The following UBE2K variants were observed in gnomAD, a reference collection of about 807,000 sequenced individuals.
UBE2K encodes the protein ubiquitin-conjugating enzyme E2 K.
UBE2K carries 6 observed loss-of-function variants against 30.0 expected under a neutral mutation model. That is an observed-to-expected ratio of 0.20 (90% CI 0.11 to 0.39). The LOEUF is 0.39. Among genes scored for constraint, UBE2K ranks in the 10% least tolerant of loss-of-function variants. The pLI is 1.00. For synonymous variants in UBE2K, 86 were observed against 83.7 expected, an observed-to-expected ratio of 1.03 and a Z score of -0.15; for missense variants, 61 against 241.6, an observed-to-expected ratio of 0.25 and a Z score of 4.96.
At chr4:39,773,777 C>T (rs1401310448) in intron 4 of UBE2K, among the ~76,000 whole-genome samples, 2 of 151,746 alleles carry the variant, frequency 1.3e-5, no homozygotes, top group Admixed American at 6.6e-5. Flanking sequence ...AAAAATTAGC[C>T]GGGCGTGGTG....
At chr4:39,766,847 G>T (rs984191868) in intron 4 of UBE2K, among the ~76,000 whole-genome samples, 12 of 152,070 alleles carry the variant, frequency 7.9e-5, no homozygotes, top group African/African-American at 2.7e-4. Context: ...CCTCCTGGGT[G>T]TTCAAGCAGT....
intron 4 of UBE2K, among the ~76,000 whole-genome samples, chr4:39,766,433 T>C (rs887323600): frequency 1.3e-5 from 2 of 152,130 alleles, no homozygotes; most frequent in Non-Finnish European, 1.5e-5. Context: ...ATATCTTCTT[T>C]GGAGAAACGT....
intron 3 of UBE2K, among the ~76,000 whole-genome samples, chr4:39,752,757 A>AT (rs1721336312): frequency 6.6e-6 from 1 of 152,204 alleles, no homozygotes; most frequent in South Asian, 2.1e-4. Context: ...AAAATCCGAG[A>AT]TTTGAAATGC....
intron 4 of UBE2K, among the ~76,000 whole-genome samples, chr4:39,764,421 CTTT>C (rs1230143832): frequency 7.1e-6 from 1 of 140,446 alleles, no homozygotes; most frequent in African/African-American, 2.6e-5. Context: ...AGCAAACTGC[CTTT>C]TTTTTTTTTT....
chr4:39,724,661 T>TG lies in UBE2K; in HGVS notation c.64-12752dup, dbSNP rs545398362. On this transcript the variant is annotated intron_variant, in intron 1 of 6. Coordinates refer to ENST00000261427, the MANE Select transcript of UBE2K (RefSeq NM_005339.5). The stretch of plus-strand genomic sequence containing the variant: ...GTGCATGCCTGTAGGCCCAGCTACT[T>TG]GGGGGGGCTGAGGCAGGAGGATCAC... Among the ~76,000 whole-genome samples, 51 of 146,940 alleles carry TG rather than the reference T, an allele frequency of 3.5e-4. 2 individuals carry two copies. In the South Asian group the frequency reaches 8.7e-3, roughly 25 times the overall value.
At chr4:39,771,471 C>A in intron 4 of UBE2K, 2 of 1,526,850 alleles carry the variant, frequency 1.3e-6, no homozygotes, top group South Asian at 1.3e-5. Flanking sequence ...CCCGGTTCCG[C>A]GCGCTGTTTT....
At chr4:39,737,334 A>AG (rs1720434242) in intron 1 of UBE2K, 86 bp from the exon 2 acceptor site, 1 of 653,710 alleles carries the variant, frequency 1.5e-6, no homozygotes, top group Non-Finnish European at 2.5e-6. Flanking sequence ...CTTATGAAAG[A>AG]GGGGGTTTCA....
intron 4 of UBE2K, among the ~76,000 whole-genome samples, chr4:39,759,162 T>C (rs1300723167): frequency 6.6e-6 from 1 of 152,216 alleles, no homozygotes; most frequent in Non-Finnish European, 1.5e-5. Flanking sequence ...ATTACATAAA[T>C]AATTTTCAGC....
chr4:39,698,497 C>A, intron 1 of UBE2K, 107 bp downstream of exon 1: 1 of 1,030,462 alleles, frequency 9.7e-7, no homozygotes, highest in South Asian at 1.4e-5. Context: ...CTCCTTGCGG[C>A]CGCCCTTCTG....
At chr4:39,721,767 A>G (rs753805170) in intron 1 of UBE2K, among the ~76,000 whole-genome samples, 5 of 152,210 alleles carry the variant, frequency 3.3e-5, no homozygotes, top group African/African-American at 7.2e-5. Flanking sequence ...ATTCACTACC[A>G]AAAACTTGAG....
intron 4 of UBE2K, among the ~76,000 whole-genome samples, chr4:39,763,933 C>T (rs2109391408): frequency 6.6e-6 from 1 of 151,992 alleles, no homozygotes; most frequent in African/African-American, 2.4e-5. Context: ...AGTTTCACCT[C>T]ATTGCCCAGG....
chr4:39,723,382 T>C (rs979413332), intron 1 of UBE2K, among the ~76,000 whole-genome samples: 1 of 147,248 alleles, frequency 6.8e-6, no homozygotes, highest in Non-Finnish European at 1.5e-5. Context: ...TTTTTTTTTT[T>C]CCTTCAGACT....
At chr4:39,767,425 G>A (rs1712419245) in intron 4 of UBE2K, among the ~76,000 whole-genome samples, 1 of 151,628 alleles carries the variant, frequency 6.6e-6, no homozygotes, top group South Asian at 2.1e-4. Context: ...CCGGATTCAC[G>A]CCATTCTCCT....
At chr4:39,748,421 G>A (rs980829277) in intron 3 of UBE2K, among the ~76,000 whole-genome samples, 1 of 151,992 alleles carries the variant, frequency 6.6e-6, no homozygotes, top group African/African-American at 2.4e-5. Flanking sequence ...GAGAAAAATA[G>A]ACTCAAAACA....
chr4:39,774,302 T>C (rs982457306), intron 4 of UBE2K, among the ~76,000 whole-genome samples: 2 of 150,680 alleles, frequency 1.3e-5, no homozygotes, highest in African/African-American at 2.4e-5. Context: ...CAAGACACTG[T>C]CATTAAAAAA....
intron 1 of UBE2K, among the ~76,000 whole-genome samples, chr4:39,731,647 C>T (rs1193643323): frequency 6.6e-6 from 1 of 151,684 alleles, no homozygotes; most frequent in Non-Finnish European, 1.5e-5. Context: ...CACAGCAAGA[C>T]TCCATCTCAA....
chr4:39,720,042 A>G (rs1473243826), intron 1 of UBE2K, among the ~76,000 whole-genome samples: 1 of 152,210 alleles, frequency 6.6e-6, no homozygotes, highest in Non-Finnish European at 1.5e-5. Flanking sequence ...CTGATCTTCC[A>G]TTCCCCATTG....
At chr4:39,727,663 G>A (rs1719828325) in intron 1 of UBE2K, among the ~76,000 whole-genome samples, 1 of 151,688 alleles carries the variant, frequency 6.6e-6, no homozygotes, top group Non-Finnish European at 1.5e-5. Context: ...ACCACCCAAA[G>A]AGCTGGGATT....
At chr4:39,751,229 C>T (rs1441108387) in intron 3 of UBE2K, among the ~76,000 whole-genome samples, 6 of 152,062 alleles carry the variant, frequency 3.9e-5, no homozygotes, top group African/African-American at 1.4e-4. Context: ...AGACATGAGC[C>T]ACCATTCCCA....
Sources: allele counts gnomAD v4.1 joint callset (sites outside exome capture counted in the v4.1 genomes callset), GRCh38; gene constraint gnomAD v4.1.1; transcripts MANE v1.5; gene names NCBI Gene and HGNC (gene_info 2026-07-23, HGNC 2026-07-21).